Variants in PTPN14 observed in about 807,000 individuals in gnomAD.
PTPN14 encodes the protein protein tyrosine phosphatase non-receptor type 14.
A neutral mutation model predicts 126.8 loss-of-function variants in PTPN14; 53 were observed. The observed-to-expected ratio is 0.42, with a 90% CI of 0.34 to 0.53. PTPN14 has a LOEUF of 0.53. Ranked by LOEUF, PTPN14 falls within the 20% of genes least tolerant of loss-of-function variation. The probability of loss-of-function intolerance (pLI) is 0.08; values close to 1 mark genes in which losing one functional copy is unlikely to be tolerated. For synonymous variants in PTPN14, 630 were observed against 599.3 expected (o/e 1.05, Z -0.75); for missense variants, 1,257 against 1,552.9 (o/e 0.81, Z 3.20).
chr1:214,423,563 A>G (rs1467176124), intron 3 of PTPN14, among the ~76,000 whole-genome samples: 1 of 152,164 alleles, frequency 6.6e-6, no homozygotes, highest in African/African-American at 2.4e-5. Flanking sequence ...TGGCCAGTCT[A>G]AATTTTGAAA....
intron 2 of PTPN14, 26 bp downstream of exon 2, chr1:214,464,604 T>TGCGCACAC (rs1558114699): frequency 6.2e-7 from 1 of 1,610,852 alleles, no homozygotes; most frequent in Admixed American, 1.7e-5. Flanking sequence ...CACGCGCACA[T>TGCGCACAC]GCGCACACAG....
At chr1:214,370,597 T>C (rs540529745) in intron 16 of PTPN14, among the ~76,000 whole-genome samples, 163 of 152,330 alleles carry the variant, frequency 1.1e-3, no homozygotes, top group Non-Finnish European at 1.7e-3. Flanking sequence ...CCAATGCGTT[T>C]TAGTTCAATC....
intron 1 of PTPN14, chr1:214,528,539 ATAAT>A (rs1375705926): frequency 6.6e-6 from 1 of 152,218 alleles, no homozygotes; most frequent in Non-Finnish European, 1.5e-5. Context: ...TTACAGTTAT[ATAAT>A]TAATAGAAAG....
At chr1:214,458,990 T>C (rs114688755) in intron 2 of PTPN14, among the ~76,000 whole-genome samples, 1,823 of 152,170 alleles carry the variant, frequency 0.012, 33 homozygotes, top group African/African-American at 0.042. Flanking sequence ...TCTTTGTTAA[T>C]AGAGCTCCCA....
chr1:214,477,288 C>G (rs1660888107), intron 1 of PTPN14, among the ~76,000 whole-genome samples: 1 of 152,174 alleles, frequency 6.6e-6, no homozygotes, highest in Admixed American at 6.5e-5. Context: ...ATGTTAATTA[C>G]TAACAGGGAA....
chr1:214,427,621 C>T (rs540723738), intron 3 of PTPN14, among the ~76,000 whole-genome samples: 1 of 152,254 alleles, frequency 6.6e-6, no homozygotes, highest in Non-Finnish European at 1.5e-5. Context: ...CCATTCTCTG[C>T]TCTTGCTCAT....
chr1:214,537,223 T>A (rs1033220675), intron 1 of PTPN14, among the ~76,000 whole-genome samples: 1 of 152,226 alleles, frequency 6.6e-6, no homozygotes, highest in Non-Finnish European at 1.5e-5. Context: ...AGTTTAAAGA[T>A]GATACCTTTC....
At chr1:214,499,646 A>G (rs545476295) in intron 1 of PTPN14, among the ~76,000 whole-genome samples, 1 of 152,324 alleles carries the variant, frequency 6.6e-6, no homozygotes, top group South Asian at 2.1e-4. Flanking sequence ...AACACTTTAC[A>G]TGGTAAAACT....
intron 1 of PTPN14, among the ~76,000 whole-genome samples, chr1:214,504,317 G>A (rs1386636989): frequency 2.0e-5 from 3 of 152,042 alleles, no homozygotes; most frequent in Non-Finnish European, 2.9e-5. Context: ...CAAGCACATG[G>A]CAAGCACCGG....
intron 18 of PTPN14, among the ~76,000 whole-genome samples, chr1:214,362,116 T>C (rs1432165996): frequency 6.6e-6 from 1 of 152,184 alleles, no homozygotes; most frequent in Non-Finnish European, 1.5e-5. Context: ...AATCTTTGCT[T>C]GAAACACAAA....
chr1:214,540,651 C>T (rs1372559589), intron 1 of PTPN14, among the ~76,000 whole-genome samples: 1 of 152,042 alleles, frequency 6.6e-6, no homozygotes, highest in South Asian at 2.1e-4. Context: ...GACTCACACA[C>T]GTCCACAGAT....
At chr1:214,394,775 AAGCATCTC>A (rs1658838770) in intron 9 of PTPN14, 116 bp downstream of exon 9, 1 of 853,444 alleles carries the variant, frequency 1.2e-6, no homozygotes, top group Non-Finnish European at 1.9e-6. Flanking sequence ...AAGTATTAGA[AAGCATCTC>A]TTCAAGGGAG....
At chr1:214,453,577 A>G (rs2102637231) in intron 2 of PTPN14, among the ~76,000 whole-genome samples, 1 of 116,190 alleles carries the variant, frequency 8.6e-6, no homozygotes, top group South Asian at 2.6e-4. Flanking sequence ...ACTACATCAT[A>G]AGTGGTACCT....
intron 18 of PTPN14, among the ~76,000 whole-genome samples, chr1:214,363,075 CA>C (rs765284973): frequency 5.9e-5 from 9 of 152,094 alleles, no homozygotes; most frequent in Non-Finnish European, 8.8e-5. Context: ...AATAGAGAGG[CA>C]AACAATAAAA....
intron 1 of PTPN14, among the ~76,000 whole-genome samples, chr1:214,499,500 A>T (rs949665960): frequency 2.0e-5 from 3 of 152,148 alleles, no homozygotes; most frequent in Admixed American, 2.0e-4. Flanking sequence ...TGAAATGAAA[A>T]CTTCTTACTG....
chr1:214,407,871 A>C (rs746463577), intron 5 of PTPN14, among the ~76,000 whole-genome samples: 15 of 152,192 alleles, frequency 9.9e-5, no homozygotes, highest in Non-Finnish European at 1.9e-4. Context: ...TGCAGAACTC[A>C]AAGGAGCCCA....
chr1:214,397,824 C>A (rs1198941004), intron 8 of PTPN14, 89 bp downstream of exon 8: 1 of 1,080,432 alleles, frequency 9.3e-7, no homozygotes, highest in Non-Finnish European at 1.4e-6. Context: ...CACAGTTTGG[C>A]TCTTAACTCA....
intron 1 of PTPN14, chr1:214,529,066 G>T (rs1038265323): frequency 2.6e-5 from 4 of 152,156 alleles, no homozygotes; most frequent in Non-Finnish European, 5.9e-5. Context: ...ACTTTGGGAG[G>T]CCAAGGTGGG....
intron 1 of PTPN14, among the ~76,000 whole-genome samples, chr1:214,510,427 A>C (rs1412943210): frequency 6.6e-6 from 1 of 152,254 alleles, no homozygotes; most frequent in Non-Finnish European, 1.5e-5. Flanking sequence ...TATACAAGAA[A>C]ACAGCAATAC....
Sources: allele counts gnomAD v4.1 joint callset (sites outside exome capture counted in the v4.1 genomes callset), GRCh38; gene constraint gnomAD v4.1.1; transcripts MANE v1.5; gene names NCBI Gene and HGNC (gene_info 2026-07-23, HGNC 2026-07-21).